The following ANO3 variants were observed in gnomAD, a reference collection of about 807,000 sequenced individuals.
ANO3 encodes the protein anoctamin 3, also known as anoctamin-3.
Under a neutral mutation model 144.8 loss-of-function variants are expected in ANO3, and 99 were observed. The ratio of observed to expected loss-of-function variants is 0.68; its 90% CI spans 0.58 to 0.81. ANO3 has a LOEUF of 0.81. ANO3 is among the 30% of genes least tolerant of loss of function. The probability of loss-of-function intolerance (pLI) is 0.00; values close to 1 mark genes in which losing one functional copy is unlikely to be tolerated. For synonymous variants in ANO3, 414 were observed against 392.6 expected, an observed-to-expected ratio of 1.05 and a Z score of -0.64; for missense variants, 905 against 1,202.2, an observed-to-expected ratio of 0.75 and a Z score of 3.66.
At chr11:26,322,700 C>T (rs1420085981) in intron 1 of ANO3, among the ~76,000 whole-genome samples, 1 of 152,038 alleles carries the variant, frequency 6.6e-6, no homozygotes, top group Non-Finnish European at 1.5e-5. Flanking sequence ...AGATTTATGG[C>T]TGTTGATGTT....
At chr11:26,582,407 T>C (rs1851158753) in intron 14 of ANO3, among the ~76,000 whole-genome samples, 1 of 152,184 alleles carries the variant, frequency 6.6e-6, no homozygotes, top group African/African-American at 2.4e-5. Context: ...AGACCTTAGT[T>C]CTGGAGCAGT....
intron 17 of ANO3, among the ~76,000 whole-genome samples, chr11:26,611,527 A>G (rs1305004166): frequency 6.6e-6 from 1 of 152,172 alleles, no homozygotes; most frequent in Non-Finnish European, 1.5e-5. Context: ...GTGGCCTAAC[A>G]TGTGATCTAT....
intron 22 of ANO3, among the ~76,000 whole-genome samples, chr11:26,642,606 C>T (rs1417007000): frequency 6.6e-6 from 1 of 152,076 alleles, no homozygotes; most frequent in Non-Finnish European, 1.5e-5. Context: ...TCACCTTGGC[C>T]TCCCAAAGTG....
intron 1 of ANO3, 70 bp downstream of exon 1, chr11:26,332,391 A>G: frequency 6.8e-7 from 1 of 1,481,234 alleles, no homozygotes; most frequent in Non-Finnish European, 9.4e-7. Flanking sequence ...GCAGTTGTGT[A>G]GGAGCATCCT....
At chr11:26,607,809 T>C (rs1355836800) in intron 17 of ANO3, among the ~76,000 whole-genome samples, 2 of 152,230 alleles carry the variant, frequency 1.3e-5, no homozygotes, top group Admixed American at 6.5e-5. Flanking sequence ...CCTCTCTAGA[T>C]TGGTTATTCT....
At position 26,613,091 on chromosome 11, in the gene ANO3, T is replaced by C. The variant is rs148120859; in HGVS notation, c.1837-11371T>C. On this transcript the variant is annotated intron_variant, in intron 17 of 26. Transcript: ENST00000256737. ...ATTATCCTGTTAAATAGGCTTTCTG[T>C]GTCTTTCTCCACCTCTTCTCTCTCT... Among the ~76,000 whole-genome samples, 51 of 152,252 alleles carry C rather than the reference T, an allele frequency of 3.3e-4. No homozygotes were observed. The East Asian group carries it at 8.5e-3, about 25-fold the overall frequency.
chr11:26,598,598 T>C, intron 15 of ANO3, 151 bp downstream of exon 15: 1 of 649,986 alleles, frequency 1.5e-6, no homozygotes, highest in Non-Finnish European at 2.6e-6. Flanking sequence ...TTTATGAAGA[T>C]AATAGAGATC....
intron 1 of ANO3, among the ~76,000 whole-genome samples, chr11:26,352,424 G>T (rs554694438): frequency 1.6e-4 from 25 of 152,052 alleles, no homozygotes; most frequent in African/African-American, 6.0e-4. Context: ...TTCTGGGCTG[G>T]CCTCGTATGT....
chr11:26,454,792 A>G (rs1271978226), intron 3 of ANO3, among the ~76,000 whole-genome samples: 1 of 152,152 alleles, frequency 6.6e-6, no homozygotes, highest in Non-Finnish European at 1.5e-5. Context: ...TTAGACCAAT[A>G]TCCTTGATGA....
At chr11:26,317,391 C>A (rs1854650715) in intron 1 of ANO3, among the ~76,000 whole-genome samples, 2 of 151,292 alleles carry the variant, frequency 1.3e-5, no homozygotes, top group African/African-American at 4.9e-5. Context: ...CCAGGATCTA[C>A]AAGGAACTTA....
intron 1 of ANO3, among the ~76,000 whole-genome samples, chr11:26,280,426 C>G (rs1261997796): frequency 6.6e-6 from 1 of 152,064 alleles, no homozygotes; most frequent in South Asian, 2.1e-4. Flanking sequence ...AGCTGAAGAG[C>G]GAGGAAGCCA....
chr11:26,255,224 T>C (rs908585774), intron 1 of ANO3, among the ~76,000 whole-genome samples: 20 of 152,180 alleles, frequency 1.3e-4, no homozygotes, highest in African/African-American at 4.3e-4. Context: ...AACAAAGGCA[T>C]TTTTTCTTTC....
upstream of ANO3, among the ~76,000 whole-genome samples, chr11:26,328,867 A>C (rs1320925108): frequency 6.6e-6 from 1 of 152,206 alleles, no homozygotes; most frequent in Non-Finnish European, 1.5e-5. Context: ...AAAATATATG[A>C]AAGTATAAAA....
Position 26,660,428 on chromosome 11 carries a change from A to T in ANO3, c.2930A>T (p.His977Leu), listed in dbSNP as rs201757458. 11 of 1,612,588 alleles carry T rather than the reference A, an allele frequency of 6.8e-6. No homozygotes were observed. Among genetic ancestry groups the T allele is most frequent in the Non-Finnish European group, 9.3e-6 (11 of 1,179,302 alleles). ...QQRRKSGQPVHHEWP is the reference protein window; with the variant it reads ...QQRRKSGQPVLHEWP ...CGGAGAAAAAGTGGTCAGCCTGTTC[A>T]CCATGAATGGCCTTAGTTGACACCT... Residue 977 changes from histidine (H) to leucine (L), a missense_variant, in exon 27 of 27, where the codon CAC becomes CTC. Physicochemically the swap from His to Leu is moderately conservative, Grantham distance 99. Transcript: ENST00000256737.
chr11:26,365,954 TTATATATATATATATATATATA>T (rs1158168765), intron 1 of ANO3, among the ~76,000 whole-genome samples: 1 of 54,394 alleles, frequency 1.8e-5, no homozygotes, highest in African/African-American at 6.7e-5. Flanking sequence ...CATTTTTTCT[TTATATATATATATATATATATA>T]TATATATATA....
intron 1 of ANO3, among the ~76,000 whole-genome samples, chr11:26,201,806 G>A (rs1464830779): frequency 6.7e-6 from 1 of 149,096 alleles, no homozygotes; most frequent in Non-Finnish European, 1.5e-5. Flanking sequence ...ATAAAGCACT[G>A]ACTCTTTCTT....
At chr11:26,246,599 T>A (rs1285501612) in intron 1 of ANO3, among the ~76,000 whole-genome samples, 1 of 149,574 alleles carries the variant, frequency 6.7e-6, no homozygotes, top group Non-Finnish European at 1.5e-5. Flanking sequence ...TTACCTTATT[T>A]TTAAGAGTTC....
intron 1 of ANO3, among the ~76,000 whole-genome samples, chr11:26,371,223 T>C (rs1564987961): frequency 6.6e-6 from 1 of 152,212 alleles, no homozygotes; most frequent in Non-Finnish European, 1.5e-5. Flanking sequence ...AAGGTACATC[T>C]TGAGCCATTG....
intron 1 of ANO3, among the ~76,000 whole-genome samples, chr11:26,202,206 C>G (rs2133913087): frequency 6.9e-6 from 1 of 145,570 alleles, no homozygotes; most frequent in East Asian, 2.0e-4. Flanking sequence ...TATATTATTT[C>G]CAAAATGTCA....
Sources: allele counts gnomAD v4.1 joint callset (sites outside exome capture counted in the v4.1 genomes callset), GRCh38; gene constraint gnomAD v4.1.1; transcripts MANE v1.5; gene names NCBI Gene and HGNC (gene_info 2026-07-23, HGNC 2026-07-21).